Variants in PUS10 observed in about 807,000 individuals in gnomAD.
PUS10 encodes pseudouridine synthase 10.
A neutral mutation model predicts 75.0 loss-of-function variants in PUS10; 59 were observed. That is an observed-to-expected ratio of 0.79 (90% confidence interval 0.64 to 0.98). The LOEUF is 0.98. Ranked by LOEUF, PUS10 falls within the 50% of genes least tolerant of loss-of-function variation. The pLI, the probability that PUS10 is intolerant of heterozygous loss-of-function variation, is 0.00. For missense variants in PUS10, 650 were observed against 614.4 expected (o/e 1.06, Z -0.61); for synonymous variants, 219 against 211.6 (o/e 1.03, Z -0.30).
intron 11 of PUS10, among the ~76,000 whole-genome samples, chr2:60,957,544 G>A (rs1291153927): frequency 6.6e-6 from 1 of 152,262 alleles, no homozygotes; most frequent in Non-Finnish European, 1.5e-5. Flanking sequence ...CAGATAATCG[G>A]CAGAACGTAA....
intron 11 of PUS10, among the ~76,000 whole-genome samples, chr2:60,957,068 G>A (rs1384518878): frequency 6.6e-6 from 1 of 150,712 alleles, no homozygotes; most frequent in African/African-American, 2.4e-5. Flanking sequence ...TCCAGAGTGA[G>A]AGAAACCTGG....
intron 1 of PUS10, chr2:61,017,605 C>A: frequency 1.7e-6 from 1 of 592,100 alleles, no homozygotes; most frequent in Non-Finnish European, 3.0e-6. Flanking sequence ...TGTATGGATT[C>A]AGCTGGCAAA....
At chr2:61,004,319 C>T (rs1215951846) in intron 4 of PUS10, among the ~76,000 whole-genome samples, 1 of 152,010 alleles carries the variant, frequency 6.6e-6, no homozygotes, top group African/African-American at 2.4e-5. Flanking sequence ...TAATAAAAGA[C>T]GGCAATAAAA....
At chr2:60,946,705 T>C (rs1674962687) in intron 16 of PUS10, among the ~76,000 whole-genome samples, 1 of 152,066 alleles carries the variant, frequency 6.6e-6, no homozygotes. Context: ...ATCCAGGTCC[T>C]GGGGTGGGGC....
chr2:61,010,722 G>A, intron 2 of PUS10: 3 of 1,517,558 alleles, frequency 2.0e-6, no homozygotes, highest in East Asian at 2.5e-5. Context: ...TTACAGAGGA[G>A]TAAACTGAAG....
chr2:60,957,859 A>C (rs187040513), intron 11 of PUS10, among the ~76,000 whole-genome samples: 7 of 152,392 alleles, frequency 4.6e-5, no homozygotes, highest in Admixed American at 3.9e-4. Flanking sequence ...CTTCCAGCAC[A>C]GCATGACTCA....
chr2:61,006,535 T>G, intron 4 of PUS10, 22 bp downstream of exon 4: 1 of 1,523,470 alleles, frequency 6.6e-7, no homozygotes, highest in East Asian at 2.3e-5. Flanking sequence ...ACATACAGTT[T>G]TATGCATGCA....
chr2:60,954,908 TG>T, intron 12 of PUS10, 109 bp downstream of exon 12: 1 of 634,990 alleles, frequency 1.6e-6, no homozygotes, highest in Non-Finnish European at 2.6e-6. Flanking sequence ...GGAGAAGCTC[TG>T]GGCCTTGCTC....
rs143275834 is a variant in PUS10 at position 61,017,531 on chromosome 2, C to T, written c.-16+477G>A. 14 of 517,710 alleles carry T rather than the reference C, an allele frequency of 2.7e-5. No individual in the cohort carries two copies. In the Admixed American group the frequency reaches 4.0e-4, roughly 15 times the overall value. 32.1% of individuals were successfully genotyped at this position (517,710 alleles called of 1,614,324 possible). A position where few individuals can be genotyped will look rare whatever the true frequency, so the allele number is the denominator to read the frequency against. On this transcript the variant is annotated intron_variant, in intron 1 of 17. Transcript: ENST00000316752. Reference sequence around the variant, plus strand: ...GCCTTTACCCTGAGGTTTAGAAAGGCAGCTCTTTCTGGGGCAAATACAAAG... The same window carrying T: ...GCCTTTACCCTGAGGTTTAGAAAGGTAGCTCTTTCTGGGGCAAATACAAAG...
intron 4 of PUS10, among the ~76,000 whole-genome samples, chr2:60,980,641 A>C (rs1462807525): frequency 1.3e-5 from 2 of 152,250 alleles, no homozygotes; most frequent in Non-Finnish European, 2.9e-5. Flanking sequence ...CAAAACACCA[A>C]GTAGGTCAGT....
chr2:60,949,447 GGTTT>G (rs1405080040), intron 15 of PUS10, among the ~76,000 whole-genome samples: 1 of 151,974 alleles, frequency 6.6e-6, no homozygotes, highest in Non-Finnish European at 1.5e-5. Flanking sequence ...TGTCTTTTTT[GGTTT>G]GTTTGTTTTT....
At chr2:61,003,465 A>C (rs1678988741) in intron 4 of PUS10, among the ~76,000 whole-genome samples, 9 of 151,884 alleles carry the variant, frequency 5.9e-5, no homozygotes, top group Admixed American at 5.9e-4. Context: ...CTGTCTCAAA[A>C]AAAAAAAAAA....
At chr2:61,006,424 T>C (rs918072049) in intron 4 of PUS10, 133 bp downstream of exon 4, 28 of 651,320 alleles carry the variant, frequency 4.3e-5, no homozygotes, top group South Asian at 3.3e-4. Flanking sequence ...CAGCTATAAA[T>C]TGCTTCAATC....
chr2:60,967,677 ATT>A, intron 5 of PUS10, 64 bp from the exon 6 acceptor site: 1 of 1,058,996 alleles, frequency 9.4e-7, no homozygotes, highest in Non-Finnish European at 1.4e-6. Flanking sequence ...AAAGGCAAGA[ATT>A]TATGCAATTA....
At position 60,964,539 on chromosome 2, in the gene PUS10, G is replaced by C. The variant is rs573349350; in HGVS notation, c.723+519C>G. Among the ~76,000 whole-genome samples the C allele has an allele frequency of 2.0e-5, 3 of 152,306 alleles. No homozygotes were observed. In the South Asian group the frequency reaches 6.2e-4, roughly 32 times the overall value. On this transcript the variant is annotated intron_variant, in intron 8 of 17. Coordinates refer to ENST00000316752, the MANE Select transcript of PUS10 (RefSeq NM_144709.4). ...CATGAAGATTAGCTAACATTAAGAT[G>C]ATAAAGAAGAGTTTGAATAAAAATG...
chr2:60,960,470 T>C lies in PUS10; in HGVS notation c.922A>G (p.Ile308Val). 1 of 1,574,000 alleles carries C rather than the reference T, an allele frequency of 6.4e-7. No homozygotes were observed. Among genetic ancestry groups the C allele is most frequent in the Admixed American group, 2.0e-5 (1 of 50,676 alleles). ...GATTCCAGCTTCCTTTCTCCATCAA[T>C]TATCCAAGGAGTTTGTGGTAGATTC... ...SRNLPQTPWI[I>V]DGERKLESSV... Residue 308 changes from isoleucine to valine, a missense_variant, in exon 11 of 18, where the codon ATT (isoleucine) becomes GTT (valine). Physicochemically the swap from Ile to Val is conservative, Grantham distance 29. Coordinates refer to ENST00000316752, the MANE Select transcript of PUS10 (RefSeq NM_144709.4).
Position 61,011,833 on chromosome 2 carries a change from T to C in PUS10, c.58A>G (p.Thr20Ala). 6.2e-7 allele frequency: 1 copy of C among 1,609,936 alleles called. No homozygotes were observed. Among genetic ancestry groups the C allele is most frequent in the Non-Finnish European group, 8.5e-7 (1 of 1,177,296 alleles). ...AATCTGAAGATACATCTTGGACAAG[T>C]ACCAGTATTGAGCAACAACTGGGCC... ...HVAQLLLNTG[T>A]CPRCIFRFCG... Residue 20 changes from threonine to alanine, a missense_variant, in exon 2 of 18, where the codon ACT becomes GCT. Thr to Ala is a moderately conservative substitution (Grantham distance 58). Transcript: ENST00000316752.
chr2:60,969,587 T>C (rs1324563253), intron 5 of PUS10, among the ~76,000 whole-genome samples: 1 of 152,232 alleles, frequency 6.6e-6, no homozygotes, highest in East Asian at 1.9e-4. Flanking sequence ...AAAGAAAAGA[T>C]GAACCAGAGT....
intron 4 of PUS10, among the ~76,000 whole-genome samples, chr2:61,000,187 T>C (rs1678761998): frequency 2.0e-5 from 3 of 152,294 alleles, no homozygotes; most frequent in South Asian, 4.1e-4. Flanking sequence ...CTTGATTCTA[T>C]CCTTGCAGCA....
Sources: gnomAD v4.1 joint callset for allele counts (sites outside exome capture counted in the v4.1 genomes callset) on GRCh38, gnomAD v4.1.1 for gene constraint, MANE v1.5 for transcripts, NCBI Gene and HGNC (gene_info 2026-07-23, HGNC 2026-07-21) for gene names.